The following KLHL28 variants were observed in gnomAD, a reference collection of about 807,000 sequenced individuals.
KLHL28 encodes the protein kelch like family member 28.
A neutral mutation model predicts 48.3 loss-of-function variants in KLHL28; 22 were observed. The ratio of observed to expected loss-of-function variants is 0.46; its 90% CI spans 0.33 to 0.65. The LOEUF (loss-of-function observed/expected upper bound fraction) is 0.65, where lower values mean the gene tolerates loss of function less well. Ranked by LOEUF, KLHL28 falls within the 30% of genes least tolerant of loss-of-function variation. The pLI, the probability that KLHL28 is intolerant of heterozygous loss-of-function variation, is 0.03. For missense variants in KLHL28, 527 were observed against 704.3 expected (o/e 0.75, Z 2.85); for synonymous variants, 243 against 242.4 (o/e 1.00, Z -0.02).
intron 1 of KLHL28, chr14:44,960,924 T>G (rs1318919085): frequency 1.4e-5 from 21 of 1,538,182 alleles, no homozygotes; most frequent in Non-Finnish European, 1.8e-5. Flanking sequence ...GCATTTGAAG[T>G]GCATAAATTT....
chr14:44,924,646 C>A lies in KLHL28; in HGVS notation c.*4382G>T, dbSNP rs1197271898. 6.6e-6 allele frequency: 1 copy of A among 152,526 alleles called. No homozygotes were observed. The highest frequency in any genetic ancestry group is 2.4e-5 in the African/African-American group (1 of 41,448). The allele number at this position is 152,526 out of a possible 1,614,324, so 9.4% of individuals were successfully genotyped here. ...TTCAGAATCCTGTTAAAATCAAAAC[C>A]GTTGCTGGTTTATAATACACAGCAC... On this transcript the variant is annotated 3_prime_UTR_variant, in exon 5 of 5. Transcript: ENST00000396128.
chr14:44,932,467 T>C (rs1883632947), intron 3 of KLHL28, among the ~76,000 whole-genome samples: 1 of 152,134 alleles, frequency 6.6e-6, no homozygotes. Flanking sequence ...ATCAGAATTT[T>C]CAAAAAGGCT....
chr14:44,928,980 A>G lies in KLHL28; in HGVS notation c.*48T>C, dbSNP rs776624344. ...AGAAAACTGGGCCATCCGGATGTTC[A>G]TGCAGTACAAGTTTCACCACCATAC... On this transcript the variant is annotated 3_prime_UTR_variant, in exon 5 of 5. Transcript: ENST00000396128. 1.3e-6 allele frequency: 2 copies of G among 1,575,276 alleles called. No homozygotes were observed. The highest frequency in any genetic ancestry group is 1.7e-6 in the Non-Finnish European group (2 of 1,148,940).
intron 2 of KLHL28, among the ~76,000 whole-genome samples, chr14:44,941,673 A>G (rs1884102349): frequency 1.3e-5 from 2 of 152,056 alleles, no homozygotes; most frequent in South Asian, 4.2e-4. Context: ...TACCCACCAA[A>G]AGTCATTATG....
In KLHL28 at chr14:44,928,803, C is replaced by G; in HGVS notation, c.*225G>C. The G allele has an allele frequency of 1.0e-5, 3 of 292,984 alleles. No homozygotes were observed. The highest frequency in any genetic ancestry group is 1.9e-5 in the Non-Finnish European group (3 of 161,184). 18.1% of individuals were successfully genotyped at this position (292,984 alleles called of 1,614,324 possible). On this transcript the variant is annotated 3_prime_UTR_variant, in exon 5 of 5. Coordinates refer to ENST00000396128, the MANE Select transcript of KLHL28 (RefSeq NM_017658.5). ...CAGAATTCAATTGGCAAAGTCTTTA[C>G]TTTTTTTTTTTCTCTTTTTTCTTTT...
chr14:44,943,081 T>C (rs1884170334), intron 2 of KLHL28, among the ~76,000 whole-genome samples: 1 of 152,180 alleles, frequency 6.6e-6, no homozygotes, highest in African/African-American at 2.4e-5. Flanking sequence ...ATAGATTCTA[T>C]GATAAAAGAT....
Position 44,925,581 on chromosome 14 carries a change from A to G in KLHL28, c.*3447T>C, listed in dbSNP as rs1040100546. ...AATAGTTATTAGGGTCTCTCCCACT[A>G]TATTTTACTCTCTTTGAGTGAAAAA... On this transcript the variant is annotated 3_prime_UTR_variant, in exon 5 of 5. Transcript: ENST00000396128. 1 of 152,100 alleles carries G rather than the reference A, an allele frequency of 6.6e-6. No homozygotes were observed. The highest frequency in any genetic ancestry group is 1.5e-5 in the Non-Finnish European group (1 of 67,950). The allele number at this position is 152,100 out of a possible 1,614,324, so 9.4% of individuals were successfully genotyped here. A position where few individuals can be genotyped will look rare whatever the true frequency, so the allele number is the denominator to read the frequency against.
At chr14:44,958,075 C>CTT (rs781136933) in intron 1 of KLHL28, among the ~76,000 whole-genome samples, 3 of 126,902 alleles carry the variant, frequency 2.4e-5, no homozygotes, top group Admixed American at 8.0e-5. Flanking sequence ...AGTTTTTGTT[C>CTT]TTTTTTTTTT....
In KLHL28 at chr14:44,944,231, C is replaced by T. The variant is rs116188814; in HGVS notation, c.899+799G>A. 4.2e-3 allele frequency among the ~76,000 whole-genome samples: 643 copies of T among 152,272 alleles called. 6 individuals carry two copies. Among genetic ancestry groups the T allele is most frequent in the African/African-American group, 0.014 (590 of 41,562 alleles). On this transcript the variant is annotated intron_variant, in intron 2 of 4. Transcript: ENST00000396128. ...GTATAAAAGTTACTAGTATAATGCA[C>T]CAAATTAAGGGTTGGCAAGCTATCA...
chr14:44,936,346 T>C (rs1360374179), intron 2 of KLHL28, among the ~76,000 whole-genome samples: 1 of 151,728 alleles, frequency 6.6e-6, no homozygotes, highest in Non-Finnish European at 1.5e-5. Context: ...GATGATGATA[T>C]AGGAGAGAGA....
intron 1 of KLHL28, among the ~76,000 whole-genome samples, chr14:44,957,429 T>A (rs1344283464): frequency 6.6e-6 from 1 of 152,206 alleles, no homozygotes; most frequent in Non-Finnish European, 1.5e-5. Flanking sequence ...GTAAAAAACA[T>A]TACTGGGACT....
intron 2 of KLHL28, among the ~76,000 whole-genome samples, chr14:44,940,437 T>C (rs2138612469): frequency 6.6e-6 from 1 of 152,346 alleles, no homozygotes; most frequent in South Asian, 2.1e-4. Context: ...ATTCAACATT[T>C]AACATATTTG....
intron 2 of KLHL28, among the ~76,000 whole-genome samples, chr14:44,941,962 C>T (rs1884116296): frequency 1.3e-5 from 2 of 152,194 alleles, no homozygotes; most frequent in Admixed American, 1.3e-4. Context: ...TCAATAACTC[C>T]ATCAAAGACT....
intron 2 of KLHL28, among the ~76,000 whole-genome samples, chr14:44,939,932 G>A (rs1336982207): frequency 6.6e-6 from 1 of 152,078 alleles, no homozygotes. Flanking sequence ...CCCACTTTTT[G>A]GTACCAGTAT....
At position 44,927,597 on chromosome 14, in the gene KLHL28, A is replaced by T. The variant is rs538841685; in HGVS notation, c.*1431T>A. 7.0e-4 allele frequency: 107 copies of T among 152,702 alleles called. No homozygotes were observed. The highest frequency in any genetic ancestry group is 2.5e-3 in the African/African-American group (103 of 41,592). 9.5% of individuals were successfully genotyped at this position (152,702 alleles called of 1,614,324 possible). A position where few individuals can be genotyped will look rare whatever the true frequency, so the allele number is the denominator to read the frequency against. On this transcript the variant is annotated 3_prime_UTR_variant, in exon 5 of 5. Transcript: ENST00000396128. ...ACAGACATTTACTAAAACATGCTAA[A>T]ATCAAATAAGTTAAACACTTTCTTT...
At chr14:44,954,467 T>C (rs549374202) in intron 1 of KLHL28, among the ~76,000 whole-genome samples, 1 of 152,326 alleles carries the variant, frequency 6.6e-6, no homozygotes, top group Admixed American at 6.5e-5. Flanking sequence ...AAAGAATGGT[T>C]GTGAAAACTA....
At chr14:44,951,517 TAGTA>T (rs1227934100) in intron 1 of KLHL28, among the ~76,000 whole-genome samples, 4 of 152,226 alleles carry the variant, frequency 2.6e-5, no homozygotes, top group East Asian at 3.8e-4. Context: ...CCATTCCAAC[TAGTA>T]AGTAAGACAT....
At position 44,945,462 on chromosome 14, in the gene KLHL28, G is replaced by A. The variant is rs1362665498; in HGVS notation, c.467C>T (p.Ala156Val). Reference protein sequence around the residue: ...TYGCRDLYLAATKYICQNFEA... With the variant: ...TYGCRDLYLAVTKYICQNFEA... ...AAAATTCTGGCATATGTATTTAGTG[G>A]CTGCCAAATAAAGGTCACGGCAACC... Residue 156 changes from alanine (A) to valine (V), a missense_variant, in exon 2 of 5, where the codon GCC (alanine) becomes GTC (valine). By Grantham distance (64) the Ala-to-Val change is moderately conservative (BLOSUM62 0). Coordinates refer to ENST00000396128, the MANE Select transcript of KLHL28 (RefSeq NM_017658.5). 6.2e-7 allele frequency: 1 copy of A among 1,614,172 alleles called. No homozygotes were observed. The highest frequency in any genetic ancestry group is 1.7e-5 in the Admixed American group (1 of 60,022).
chr14:44,935,906 T>TATATATATATATATATA (rs1429152138), intron 2 of KLHL28, among the ~76,000 whole-genome samples: 16 of 13,890 alleles, frequency 1.2e-3, no homozygotes, highest in East Asian at 2.8e-3. Flanking sequence ...ATATATATCT[T>TATATATATATATATATA]TACCCTCCCC....
Sources: gnomAD v4.1 joint callset for allele counts (sites outside exome capture counted in the v4.1 genomes callset) on GRCh38, gnomAD v4.1.1 for gene constraint, MANE v1.5 for transcripts, NCBI Gene and HGNC (gene_info 2026-07-23, HGNC 2026-07-21) for gene names.